Variants in ZNG1A observed in about 807,000 individuals in gnomAD.
ZNG1A encodes Zn regulated GTPase metalloprotein activator 1A, also known as zinc-regulated GTPase metalloprotein activator 1A.
At chr9:141,319 C>T in the ZNG1A span, among the ~76,000 whole-genome samples, 1 of 140,654 alleles carries the variant, frequency 7.1e-6, no homozygotes, top group African/African-American at 2.7e-5. Context: ...CAAAGGGAAG[C>T]CCATCAGACT....
At chr9:149,635 T>C in the ZNG1A span, among the ~76,000 whole-genome samples, 2 of 149,646 alleles carry the variant, frequency 1.3e-5, no homozygotes, top group Admixed American at 6.6e-5. Context: ...TGCTTCTGTT[T>C]CCCCCCAATG....
chr9:137,493 A>G, the ZNG1A span, among the ~76,000 whole-genome samples: 1 of 152,156 alleles, frequency 6.6e-6, no homozygotes, highest in Non-Finnish European at 1.5e-5. Context: ...AATTAAAAAT[A>G]CAGTTCTAAT....
At chr9:120,866 G>A in the ZNG1A span, among the ~76,000 whole-genome samples, 1 of 152,202 alleles carries the variant, frequency 6.6e-6, no homozygotes, top group Non-Finnish European at 1.5e-5. Flanking sequence ...AATTAATCAT[G>A]TAGACCACTC....
chr9:162,403 G>C, the ZNG1A span: 1 of 1,454,860 alleles, frequency 6.9e-7, no homozygotes, highest in Non-Finnish European at 9.3e-7. Context: ...TCTCAATAAT[G>C]ACCCACTCAT....
At chr9:175,150 C>G in the ZNG1A span, among the ~76,000 whole-genome samples, 1 of 152,092 alleles carries the variant, frequency 6.6e-6, no homozygotes, top group South Asian at 2.1e-4. Context: ...GAGGCCGAGG[C>G]GGGTGGATCA....
At chr9:164,884 G>A in the ZNG1A span, among the ~76,000 whole-genome samples, 2,558 of 151,984 alleles carry the variant, frequency 0.017, 59 homozygotes, top group African/African-American at 0.054. Flanking sequence ...AGCATCACTC[G>A]GTGTCAACAA....
the ZNG1A span, chr9:164,263 T>C: frequency 4.0e-6 from 2 of 494,266 alleles, no homozygotes; most frequent in East Asian, 7.0e-5. Flanking sequence ...TGTTATTTCC[T>C]TTAAAAAAGA....
the ZNG1A span, chr9:122,362 T>C: frequency 7.9e-7 from 1 of 1,260,394 alleles, no homozygotes; most frequent in Non-Finnish European, 1.0e-6. Context: ...GGATGGTTTT[T>C]CAGTGTTATT....
chr9:174,345 C>T, the ZNG1A span, among the ~76,000 whole-genome samples: 1 of 151,808 alleles, frequency 6.6e-6, no homozygotes, highest in Non-Finnish European at 1.5e-5. Context: ...CCCATAAAAT[C>T]GAGTAGTTTT....
the ZNG1A span, chr9:154,813 G>C: frequency 1.4e-6 from 2 of 1,416,920 alleles, no homozygotes; most frequent in Non-Finnish European, 9.7e-7. Flanking sequence ...AGCAAACAGA[G>C]AAATGTTAAG....
the ZNG1A span, chr9:154,489 G>C: frequency 1.8e-6 from 1 of 569,876 alleles, no homozygotes; most frequent in East Asian, 2.9e-5. Context: ...CTGAATATCA[G>C]TCTATTAACT....
the ZNG1A span, chr9:178,890 G>A: frequency 5.2e-6 from 6 of 1,152,394 alleles, 1 homozygote; most frequent in African/African-American, 5.8e-5. Context: ...GCTTTGCGTC[G>A]TCTCAATGGG....
the ZNG1A span, among the ~76,000 whole-genome samples, chr9:136,998 C>T: frequency 1.4e-5 from 2 of 145,798 alleles, no homozygotes; most frequent in Non-Finnish European, 3.0e-5. Context: ...GCCATGATAG[C>T]CACTGCATTC....
the ZNG1A span, among the ~76,000 whole-genome samples, chr9:157,067 C>A: frequency 7.5e-6 from 1 of 133,624 alleles, no homozygotes; most frequent in South Asian, 2.7e-4. Flanking sequence ...CTTTCAAACA[C>A]CCTAGAAACA....
At chr9:141,939 C>T in the ZNG1A span, among the ~76,000 whole-genome samples, 7 of 150,870 alleles carry the variant, frequency 4.6e-5, no homozygotes, top group Admixed American at 6.6e-5. Flanking sequence ...TCAAAAGAGA[C>T]AAAGAAGGCC....
chr9:143,024 A>C, the ZNG1A span, among the ~76,000 whole-genome samples: 1 of 145,380 alleles, frequency 6.9e-6, no homozygotes, highest in Non-Finnish European at 1.5e-5. Context: ...TAGACCAATA[A>C]CAGGATCTGA....
the ZNG1A span, among the ~76,000 whole-genome samples, chr9:163,257 C>T: frequency 6.6e-6 from 1 of 151,620 alleles, no homozygotes; most frequent in Non-Finnish European, 1.5e-5. Context: ...CAAAAGTGTT[C>T]AGGTAAATAA....
chr9:129,675 T>TG, the ZNG1A span, among the ~76,000 whole-genome samples: 28,215 of 146,084 alleles, frequency 0.19, 3,395 homozygotes, highest in East Asian at 0.43. Flanking sequence ...AGACGAAAAT[T>TG]GGGGGGGGCT....
the ZNG1A span, among the ~76,000 whole-genome samples, chr9:145,317 G>C: frequency 2.7e-5 from 4 of 150,296 alleles, no homozygotes; most frequent in African/African-American, 9.8e-5. Flanking sequence ...AACAATGATA[G>C]ACTGGATTAA....
Sources: allele counts gnomAD v4.1 joint callset (sites outside exome capture counted in the v4.1 genomes callset), GRCh38; gene constraint gnomAD v4.1.1; transcripts MANE v1.5; gene names NCBI Gene and HGNC (gene_info 2026-07-23, HGNC 2026-07-21).